SEZ6L: variants seen among roughly 807,000 people sequenced by gnomAD.
SEZ6L encodes seizure related 6 homolog like.
In SEZ6L, 37 loss-of-function variants were observed where a neutral mutation model predicts 106.2. The ratio of observed to expected loss-of-function variants is 0.35; its 90% CI spans 0.27 to 0.46. The LOEUF (loss-of-function observed/expected upper bound fraction) is 0.46. SEZ6L is among the 20% of genes least tolerant of loss of function. The probability of loss-of-function intolerance (pLI) is 1.00; values close to 1 mark genes in which losing one functional copy is unlikely to be tolerated. For synonymous variants in SEZ6L, 541 were observed against 570.4 expected (o/e 0.95, Z 0.73); for missense variants, 1,172 against 1,332.8 (o/e 0.88, Z 1.88).
At chr22:26,294,460 C>T (rs529111996) in intron 3 of SEZ6L, 35 bp downstream of exon 3, 22 of 1,600,050 alleles carry the variant, frequency 1.4e-5, no homozygotes, top group African/African-American at 9.4e-5. Context: ...GAGGCTGCCT[C>T]GTCTAGCAGG....
intron 1 of SEZ6L, among the ~76,000 whole-genome samples, chr22:26,178,755 G>T (rs1008577474): frequency 6.6e-6 from 1 of 152,106 alleles, no homozygotes; most frequent in African/African-American, 2.4e-5. Context: ...AGAGATATGG[G>T]TTCAAACCTA....
intron 1 of SEZ6L, among the ~76,000 whole-genome samples, chr22:26,288,860 C>G (rs1467426790): frequency 6.6e-6 from 1 of 152,204 alleles, no homozygotes; most frequent in African/African-American, 2.4e-5. Flanking sequence ...TCTCTCTCAT[C>G]CCCACTTATA....
In SEZ6L at chr22:26,365,549, C is replaced by A. The variant is rs575877260; in HGVS notation, c.2777C>A (p.Pro926His). Reference protein sequence around the residue: ...ILGQPSHWNGPLPVCKVNQDS... With the variant: ...ILGQPSHWNGHLPVCKVNQDS... ...GGACAGCCATCCCACTGGAACGGGCCCCTGCCCGTGTGTAAAGGTAAAGAA... is the reference window on the plus strand; with the variant it reads ...GGACAGCCATCCCACTGGAACGGGCACCTGCCCGTGTGTAAAGGTAAAGAA... The change falls in exon 13 of 17, where the codon CCC (proline) becomes CAC (histidine). Residue 926 changes from proline (P) to histidine (H), a missense_variant. This residue lies in a region of SEZ6L where 141 missense variants were observed against 176.0 expected (regional missense o/e 0.80). Transcript: ENST00000248933. The A allele has an allele frequency of 1.9e-6, 3 of 1,613,658 alleles. No homozygotes were observed. The highest frequency in any genetic ancestry group is 1.7e-4 in the Middle Eastern group (1 of 5,974).
intron 1 of SEZ6L, among the ~76,000 whole-genome samples, chr22:26,208,027 A>G (rs1428242493): frequency 3.3e-5 from 5 of 150,898 alleles, no homozygotes; most frequent in Non-Finnish European, 5.9e-5. Context: ...CTCCTGCCTC[A>G]GCCTCTCGTG....
intron 1 of SEZ6L, among the ~76,000 whole-genome samples, chr22:26,276,265 T>C (rs910546074): frequency 2.0e-5 from 3 of 152,238 alleles, no homozygotes; most frequent in Non-Finnish European, 4.4e-5. Context: ...CAAAGATCAC[T>C]GTCCAAACTT....
chr22:26,322,116 A>AT, intron 9 of SEZ6L, among the ~76,000 whole-genome samples: 1 of 152,232 alleles, frequency 6.6e-6, no homozygotes. Flanking sequence ...AATTACCCAA[A>AT]TTAGAGATAA....
At chr22:26,329,432 C>T (rs1349594206) in intron 9 of SEZ6L, among the ~76,000 whole-genome samples, 4 of 152,068 alleles carry the variant, frequency 2.6e-5, no homozygotes, top group African/African-American at 9.7e-5. Context: ...CATGCCATTG[C>T]ACTCCAGCCT....
intron 9 of SEZ6L, among the ~76,000 whole-genome samples, chr22:26,324,809 G>A (rs2082260498): frequency 1.3e-5 from 2 of 152,154 alleles, no homozygotes; most frequent in African/African-American, 4.8e-5. Flanking sequence ...CCCAGAGATG[G>A]GAAGAGATTG....
chr22:26,363,278 C>T (rs1568945694), intron 12 of SEZ6L, among the ~76,000 whole-genome samples: 1 of 152,228 alleles, frequency 6.6e-6, no homozygotes, highest in Non-Finnish European at 1.5e-5. Context: ...AAATGTAAGT[C>T]ATGTTCACAG....
At chr22:26,300,782 G>T (rs2081430223) in intron 5 of SEZ6L, among the ~76,000 whole-genome samples, 1 of 152,222 alleles carries the variant, frequency 6.6e-6, no homozygotes, top group African/African-American at 2.4e-5. Context: ...CAGTGTAAAA[G>T]TGTTCTTATT....
intron 1 of SEZ6L, among the ~76,000 whole-genome samples, chr22:26,221,731 C>T (rs1206221511): frequency 7.2e-6 from 1 of 138,160 alleles, no homozygotes; most frequent in African/African-American, 2.8e-5. Context: ...CATGCGCGTG[C>T]ACACGCGTGC....
chr22:26,250,562 T>C (rs980062992), intron 1 of SEZ6L, among the ~76,000 whole-genome samples: 1 of 152,208 alleles, frequency 6.6e-6, no homozygotes, highest in African/African-American at 2.4e-5. Flanking sequence ...TTAGGTACTA[T>C]AGCTTTGCAG....
Position 26,317,229 on chromosome 22 carries a change from C to A in SEZ6L, c.2015+3327C>A, listed in dbSNP as rs192971902. Among the ~76,000 whole-genome samples the A allele has an allele frequency of 3.8e-3, 571 of 152,194 alleles. 1 individual carries two copies. Among genetic ancestry groups the A allele is most frequent in the Non-Finnish European group, 6.1e-3 (412 of 68,010 alleles). ...ATCCTTTAGGAAGCCTTCTGTGTCGCCCCCTTGTCCTTGTCCATAAAAATA... is the reference window on the plus strand; with the variant it reads ...ATCCTTTAGGAAGCCTTCTGTGTCGACCCCTTGTCCTTGTCCATAAAAATA... On this transcript the variant is annotated intron_variant, in intron 9 of 16. Transcript: ENST00000248933.
At chr22:26,309,908 TAC>T (rs2081761802) in intron 6 of SEZ6L, among the ~76,000 whole-genome samples, 1 of 151,906 alleles carries the variant, frequency 6.6e-6, no homozygotes, top group Admixed American at 6.6e-5. Context: ...GTACCCATTT[TAC>T]AGATGAGAAA....
rs1034954629 is a variant in SEZ6L at position 26,221,609 on chromosome 22, G to T, written c.94+51846G>T. On this transcript the variant is annotated intron_variant, in intron 1 of 16. Transcript: ENST00000248933. Reference sequence around the variant, plus strand: ...TAGCAAGCACTCGCTCGTGTCAATGGCTATCATTACTATTGTTGCCTAACC... The same window carrying T: ...TAGCAAGCACTCGCTCGTGTCAATGTCTATCATTACTATTGTTGCCTAACC... 9.2e-5 allele frequency among the ~76,000 whole-genome samples: 14 copies of T among 152,294 alleles called. 1 individual carries two copies. The highest frequency in any genetic ancestry group is 9.2e-4 in the Admixed American group (14 of 15,294).
Position 26,380,371 on chromosome 22 carries a change from G to T in SEZ6L, c.*76G>T. On this transcript the variant is annotated 3_prime_UTR_variant, in exon 17 of 17. Transcript: ENST00000248933. ...GAGACATTCATCCAGAGACCATGTG[G>T]CACTTGATTGAAACCCCAGAATGTC... 6.6e-6 allele frequency: 8 copies of T among 1,211,734 alleles called. No individual in the cohort carries two copies. Among genetic ancestry groups the T allele is most frequent in the Non-Finnish European group, 9.7e-6 (8 of 822,280 alleles). The allele number at this position is 1,211,734 out of a possible 1,614,324, so 75.1% of individuals were successfully genotyped here.
intron 1 of SEZ6L, among the ~76,000 whole-genome samples, chr22:26,205,244 C>G (rs1205074240): frequency 6.6e-6 from 1 of 152,236 alleles, no homozygotes; most frequent in Non-Finnish European, 1.5e-5. Flanking sequence ...TCCTGGCATT[C>G]AAGGCCCTTT....
intron 8 of SEZ6L, among the ~76,000 whole-genome samples, 162 bp from the exon 9 acceptor site, chr22:26,313,602 A>G (rs780436231): frequency 0.025 from 887 of 35,438 alleles, 3 homozygotes; most frequent in Non-Finnish European, 0.046. Context: ...ACACACACAC[A>G]CGCACACACA....
chr22:26,281,410 T>C (rs974843700), intron 1 of SEZ6L, among the ~76,000 whole-genome samples: 19 of 148,082 alleles, frequency 1.3e-4, no homozygotes, highest in African/African-American at 4.2e-4. Context: ...AGTCTCACTC[T>C]GCCGCCCAGG....
Sources: gnomAD v4.1 joint callset for allele counts (sites outside exome capture counted in the v4.1 genomes callset) on GRCh38, gnomAD v4.1.1 for gene constraint, gnomAD v4.1.1 regional missense constraint, MANE v1.5 for transcripts, NCBI Gene and HGNC (gene_info 2026-07-23, HGNC 2026-07-21) for gene names.